Variants in CRTC3 observed in about 807,000 individuals in gnomAD.
The protein encoded by CRTC3 is CREB-regulated transcription coactivator 3.
A neutral mutation model predicts 74.5 loss-of-function variants in CRTC3; 26 were observed. The ratio of observed to expected loss-of-function variants is 0.35; its 90% CI spans 0.26 to 0.48. The LOEUF (loss-of-function observed/expected upper bound fraction) is 0.48. Among genes scored for constraint, CRTC3 ranks in the 20% least tolerant of loss-of-function variants. The probability of loss-of-function intolerance (pLI) is 0.99; values close to 1 mark genes in which losing one functional copy is unlikely to be tolerated. For missense variants in CRTC3, 760 were observed against 787.3 expected, an observed-to-expected ratio of 0.97 and a Z score of 0.41; for synonymous variants, 377 against 325.8, an observed-to-expected ratio of 1.16 and a Z score of -1.69.
chr15:90,539,319 A>G (rs1465560624), intron 1 of CRTC3, among the ~76,000 whole-genome samples: 2 of 152,322 alleles, frequency 1.3e-5, no homozygotes, highest in African/African-American at 2.4e-5. Flanking sequence ...AAATGGTGGG[A>G]TGCCATTTTA....
chr15:90,537,181 A>T (rs920959860), intron 1 of CRTC3, among the ~76,000 whole-genome samples: 1 of 152,166 alleles, frequency 6.6e-6, no homozygotes, highest in Non-Finnish European at 1.5e-5. Flanking sequence ...AAAGAGGAAA[A>T]TGTCAAAATA....
At chr15:90,593,564 T>C (rs1967848720) in intron 2 of CRTC3, 72 bp from the exon 3 acceptor site, 1 of 1,556,310 alleles carries the variant, frequency 6.4e-7, no homozygotes, top group Non-Finnish European at 8.8e-7. Flanking sequence ...TCTCCTGTTG[T>C]TATCAGTTGT....
intron 9 of CRTC3, 161 bp downstream of exon 9, chr15:90,619,951 A>C: frequency 1.6e-6 from 1 of 627,424 alleles, no homozygotes; most frequent in East Asian, 2.8e-5. Flanking sequence ...TTTGATACTC[A>C]TATTTCATCT....
chr15:90,539,976 C>A, intron 1 of CRTC3, 63 bp from the exon 2 acceptor site: 1 of 1,113,630 alleles, frequency 9.0e-7, no homozygotes, highest in Non-Finnish European at 1.4e-6. Flanking sequence ...AAATACTATA[C>A]TTTGATGCTT....
intron 2 of CRTC3, among the ~76,000 whole-genome samples, chr15:90,566,712 C>CTT (rs71154114): frequency 2.4e-5 from 3 of 126,300 alleles, no homozygotes; most frequent in Non-Finnish European, 3.4e-5. Flanking sequence ...TTCCTCCTTT[C>CTT]TTTTTTTTTT....
chr15:90,571,729 C>T lies in CRTC3; in HGVS notation c.232-21907C>T, dbSNP rs953095464. ...TCACACCCTCCCCCCAGTTCTAATC[C>T]CCATGGTACCTATTGCTAAGTGTTT... is the stretch of plus-strand genomic sequence containing the variant. On this transcript the variant is annotated intron_variant, in intron 2 of 14. Transcript: ENST00000268184. Among the ~76,000 whole-genome samples the T allele has an allele frequency of 3.9e-5, 6 of 152,054 alleles. No homozygotes were observed. The East Asian group carries it at 5.8e-4, about 15-fold the overall frequency.
intron 1 of CRTC3, among the ~76,000 whole-genome samples, chr15:90,534,391 C>G (rs530258195): frequency 6.6e-6 from 1 of 152,136 alleles, no homozygotes; most frequent in African/African-American, 2.4e-5. Context: ...TTTTGCAGCT[C>G]GAGAAGGAAG....
chr15:90,625,797 A>G lies in CRTC3; in HGVS notation c.771A>G (p.Gln257=), dbSNP rs1357232848. The G allele has an allele frequency of 6.2e-7, 1 of 1,614,076 alleles. No individual in the cohort carries two copies. Among genetic ancestry groups the G allele is most frequent in the African/African-American group, 1.3e-5 (1 of 74,940 alleles). ...GGGNAFPHNG[Q]NLGLSPFLGT... ...TCAGTGCTTTTCCACATAATGGTCA[A>G]AACCTAGGCCTCTCACCCTTCTTGG... Residue 257 remains glutamine, a synonymous_variant, in exon 10 of 15, where the codon CAA becomes CAG. Coordinates refer to ENST00000268184, the MANE Select transcript of CRTC3 (RefSeq NM_022769.5).
intron 2 of CRTC3, among the ~76,000 whole-genome samples, chr15:90,589,949 A>G (rs928415054): frequency 2.0e-5 from 3 of 151,426 alleles, no homozygotes; most frequent in Non-Finnish European, 4.4e-5. Context: ...ATTGCACCAC[A>G]CTCCATCCTG....
At chr15:90,617,764 C>G in intron 7 of CRTC3, 119 bp from the exon 8 acceptor site, 1 of 652,240 alleles carries the variant, frequency 1.5e-6, no homozygotes, top group South Asian at 1.7e-5. Flanking sequence ...CTCCTGGGCT[C>G]AAGCGATCCT....
intron 2 of CRTC3, among the ~76,000 whole-genome samples, chr15:90,566,254 A>G (rs1307716401): frequency 1.3e-5 from 2 of 152,166 alleles, no homozygotes; most frequent in Admixed American, 6.5e-5. Flanking sequence ...AGGTTTAAGG[A>G]AAGAAGCCAT....
At position 90,638,644 on chromosome 15, in the gene CRTC3, C is replaced by A; in HGVS notation, c.1465C>A (p.Gln489Lys). ...PQSDFQLLPA[Q>K]GSSLTNFFPD... Reference sequence around the variant, plus strand: ...GTCAGACTTTCAGCTTCTCCCGGCCCAGGTGAGTTCTGGCAGGAGCGTTGG... The same window carrying A: ...GTCAGACTTTCAGCTTCTCCCGGCCAAGGTGAGTTCTGGCAGGAGCGTTGG... The change falls in exon 12 of 15, where the codon CAG becomes AAG. Residue 489 changes from glutamine (Q) to lysine (K), a missense_variant and splice_region_variant. Gln to Lys is a moderately conservative substitution (Grantham distance 53). This residue lies in a region of CRTC3 where 652 missense variants were observed against 635.2 expected (regional missense o/e 1.03). Transcript: ENST00000268184. 6.2e-7 allele frequency: 1 copy of A among 1,613,834 alleles called. No individual in the cohort carries two copies. Among genetic ancestry groups the A allele is most frequent in the Non-Finnish European group, 8.5e-7 (1 of 1,179,972 alleles).
chr15:90,545,621 G>A lies in CRTC3; in HGVS notation c.231+5484G>A, dbSNP rs2151058745. Among the ~76,000 whole-genome samples the A allele has an allele frequency of 2.0e-5, 3 of 151,826 alleles. No homozygotes were observed. The South Asian group carries it at 6.3e-4, about 32-fold the overall frequency. ...AGATGGAGTCTCACTCTTTCGCCCA[G>A]GCTGGAGTGCAGTGGCACGATCTCG... On this transcript the variant is annotated intron_variant, in intron 2 of 14. Coordinates refer to ENST00000268184, the MANE Select transcript of CRTC3 (RefSeq NM_022769.5).
rs1393302800 is a variant in CRTC3 at position 90,554,993 on chromosome 15, C to T, written c.231+14856C>T. Among the ~76,000 whole-genome samples, 4 of 152,176 alleles carry T rather than the reference C, an allele frequency of 2.6e-5. No individual in the cohort carries two copies. In the East Asian group the frequency reaches 7.7e-4, roughly 29 times the overall value. On this transcript the variant is annotated intron_variant, in intron 2 of 14. Coordinates refer to ENST00000268184, the MANE Select transcript of CRTC3 (RefSeq NM_022769.5). ...GTGGGAGAGTGCCTGGAGGAGACAG[C>T]CCTGCCCTTCTACAATTGGCCATAC...
intron 2 of CRTC3, among the ~76,000 whole-genome samples, chr15:90,554,455 G>A (rs1038301276): frequency 2.0e-5 from 3 of 152,000 alleles, no homozygotes; most frequent in African/African-American, 7.3e-5. Context: ...CTCCCGCCTC[G>A]GCCTCCCAAA....
At chr15:90,531,556 G>C (rs1305951301) in intron 1 of CRTC3, among the ~76,000 whole-genome samples, 2 of 152,102 alleles carry the variant, frequency 1.3e-5, no homozygotes, top group Non-Finnish European at 2.9e-5. Flanking sequence ...TATATATATA[G>C]AGAGAAAGAA....
intron 11 of CRTC3, 86 bp downstream of exon 11, chr15:90,629,618 T>C (rs1968965881): frequency 7.2e-7 from 1 of 1,384,598 alleles, no homozygotes; most frequent in Non-Finnish European, 1.0e-6. Flanking sequence ...CTATTTTGGG[T>C]TACACTCATT....
chr15:90,585,848 A>C (rs1350959727), intron 2 of CRTC3, among the ~76,000 whole-genome samples: 2 of 152,174 alleles, frequency 1.3e-5, no homozygotes. Flanking sequence ...GTGGGGTGTG[A>C]TGCAGAACTG....
intron 6 of CRTC3, 92 bp downstream of exon 6, chr15:90,607,570 T>G: frequency 1.1e-5 from 8 of 751,338 alleles, no homozygotes; most frequent in Admixed American, 2.3e-5. Context: ...GTGTTTGCGC[T>G]TCCCGGTTCA....
Sources: gnomAD v4.1 joint callset for allele counts (sites outside exome capture counted in the v4.1 genomes callset) on GRCh38, gnomAD v4.1.1 for gene constraint, gnomAD v4.1.1 regional missense constraint, MANE v1.5 for transcripts, NCBI Gene and HGNC (gene_info 2026-07-23, HGNC 2026-07-21) for gene names.